The following C6orf132 variants were observed in gnomAD, a reference collection of about 807,000 sequenced individuals.
The protein encoded by C6orf132 is uncharacterized protein C6orf132.
In C6orf132, 43 loss-of-function variants were observed where a neutral mutation model predicts 65.3. That is an observed-to-expected ratio of 0.66 (90% CI 0.52 to 0.85). The LOEUF (loss-of-function observed/expected upper bound fraction) is 0.85. Ranked by LOEUF, C6orf132 falls within the 40% of genes least tolerant of loss-of-function variation. The probability of loss-of-function intolerance (pLI) is 0.00; values close to 1 mark genes in which losing one functional copy is unlikely to be tolerated. For synonymous variants in C6orf132, 631 were observed against 654.1 expected, an observed-to-expected ratio of 0.96 and a Z score of 0.54; for missense variants, 1,488 against 1,548.8, an observed-to-expected ratio of 0.96 and a Z score of 0.66.
At chr6:42,140,457 G>A (rs1270367223) in intron 1 of C6orf132, among the ~76,000 whole-genome samples, 4 of 152,208 alleles carry the variant, frequency 2.6e-5, no homozygotes, top group Admixed American at 1.3e-4. Flanking sequence ...AACTTGGATC[G>A]CCTTCCTCTG....
At chr6:42,116,208 A>G (rs1243503809) in intron 2 of C6orf132, among the ~76,000 whole-genome samples, 8 of 152,164 alleles carry the variant, frequency 5.3e-5, no homozygotes, top group South Asian at 4.2e-4. Context: ...GATTACAGGC[A>G]TGAGCCACTG....
chr6:42,120,081 C>T (rs9381146), intron 2 of C6orf132, among the ~76,000 whole-genome samples: 25,016 of 151,280 alleles, frequency 0.17, 2,215 homozygotes, highest in African/African-American at 0.2. Context: ...GCAACAAGAG[C>T]GAAACTCCAC....
At chr6:42,116,004 A>C (rs1297557710) in intron 2 of C6orf132, among the ~76,000 whole-genome samples, 3 of 134,356 alleles carry the variant, frequency 2.2e-5, no homozygotes, top group African/African-American at 8.6e-5. Context: ...ATCTCGGCTC[A>C]CTGCAACCTT....
intron 2 of C6orf132, among the ~76,000 whole-genome samples, chr6:42,118,322 G>A (rs1460498745): frequency 6.6e-6 from 1 of 152,182 alleles, no homozygotes; most frequent in Non-Finnish European, 1.5e-5. Context: ...CCCAGACCAG[G>A]CAGGCAGGGC....
At chr6:42,129,144 A>G (rs1319928360) in intron 1 of C6orf132, among the ~76,000 whole-genome samples, 3 of 152,250 alleles carry the variant, frequency 2.0e-5, no homozygotes, top group East Asian at 1.9e-4. Context: ...CTTATCTCAG[A>G]GAGGGAGGAA....
At chr6:42,103,916 G>T (rs766910459) in intron 4 of C6orf132, 38 bp from the exon 5 acceptor site, 1 of 1,316,394 alleles carries the variant, frequency 7.6e-7, no homozygotes, top group South Asian at 1.7e-5. Flanking sequence ...AATATCTGCA[G>T]CTGGTTAGCC....
At chr6:42,137,777 G>A (rs559386918) in intron 1 of C6orf132, among the ~76,000 whole-genome samples, 7 of 143,320 alleles carry the variant, frequency 4.9e-5, no homozygotes, top group African/African-American at 1.8e-4. Context: ...GGTGGCTCAC[G>A]CCTGTAAATC....
chr6:42,119,558 G>A (rs1562037542), intron 2 of C6orf132, among the ~76,000 whole-genome samples: 1 of 151,260 alleles, frequency 6.6e-6, no homozygotes, highest in Non-Finnish European at 1.5e-5. Flanking sequence ...TGTTGGCTAG[G>A]CTGCTCTCGA....
At chr6:42,137,259 A>G (rs565712322) in intron 1 of C6orf132, among the ~76,000 whole-genome samples, 2 of 152,288 alleles carry the variant, frequency 1.3e-5, no homozygotes, top group African/African-American at 4.8e-5. Flanking sequence ...GCTGGTCTGT[A>G]GGGGTCAAGG....
rs1010219626 is a variant in C6orf132, at chr6:42,103,385, C to A, written c.*376G>T. On this transcript the variant is annotated 3_prime_UTR_variant, in exon 5 of 5. Coordinates refer to ENST00000341865, the MANE Select transcript of C6orf132 (RefSeq NM_001164446.3). ...GGGTTCCAGTTCAGTCAGTGCCCCA[C>A]CCCTTGCTTTCAGAACCTGCTCAGT... 10 of 396,940 alleles carry A rather than the reference C, an allele frequency of 2.5e-5. No homozygotes were observed. Among genetic ancestry groups the A allele is most frequent in the Non-Finnish European group, 4.0e-5 (9 of 225,686 alleles). The allele number at this position is 396,940 out of a possible 1,614,324, so 24.6% of individuals were successfully genotyped here.
intron 2 of C6orf132, among the ~76,000 whole-genome samples, chr6:42,123,107 C>T (rs142353328): frequency 3.7e-4 from 56 of 152,162 alleles, no homozygotes; most frequent in Middle Eastern, 3.4e-3. Context: ...ACAGGCCGGG[C>T]GCGGTGGCTC....
At position 42,142,448 on chromosome 6, in the gene C6orf132, G is replaced by A; in HGVS notation, c.-4C>T. The A allele has an allele frequency of 6.5e-7, 1 of 1,550,166 alleles. No individual in the cohort carries two copies. Among genetic ancestry groups the A allele is most frequent in the South Asian group, 1.2e-5 (1 of 83,994 alleles). On this transcript the variant is annotated 5_prime_UTR_variant, in exon 1 of 5. Coordinates refer to ENST00000341865, the MANE Select transcript of C6orf132 (RefSeq NM_001164446.3). ...GCACCGTCTGCTTCTTTTTCATGCT[G>A]CCGCAGCCCGCGCGGGCGCCAGGGA...
In C6orf132 at chr6:42,107,463, G is replaced by T. The variant is rs1482054573; in HGVS notation, c.449C>A (p.Pro150His). Residue 150 changes from proline to histidine, a missense_variant, in exon 4 of 5, where the codon CCC becomes CAC. Transcript: ENST00000341865. ...TGGAGGTTCTGAAATGTCCTGAGGG[G>T]GCCCTGGGGCTGGGCCTGGGGGAGG... ...PPPPPGPAPGPPQDISEPPGG... is the reference protein window; with the variant it reads ...PPPPPGPAPGHPQDISEPPGG... The T allele has an allele frequency of 1.9e-6, 3 of 1,544,958 alleles. No homozygotes were observed. The highest frequency in any genetic ancestry group is 2.6e-6 in the Non-Finnish European group (3 of 1,144,160).
intron 1 of C6orf132, among the ~76,000 whole-genome samples, chr6:42,136,990 G>A (rs1433056797): frequency 6.6e-6 from 1 of 152,174 alleles, no homozygotes; most frequent in Non-Finnish European, 1.5e-5. Flanking sequence ...CCCAGAACTT[G>A]TGAGAAATGC....
At chr6:42,108,633 G>A (rs1375712774) in intron 3 of C6orf132, among the ~76,000 whole-genome samples, 1 of 152,214 alleles carries the variant, frequency 6.6e-6, no homozygotes, top group African/African-American at 2.4e-5. Flanking sequence ...ATTCTGGACT[G>A]CAGAATAGAA....
chr6:42,103,089 C>T lies in C6orf132; in HGVS notation c.*672G>A, dbSNP rs892705776. 1.3e-5 allele frequency: 5 copies of T among 398,614 alleles called. No individual in the cohort carries two copies. The highest frequency in any genetic ancestry group is 1.0e-4 in the African/African-American group (5 of 48,634). The allele number at this position is 398,614 out of a possible 1,614,324, so 24.7% of individuals were successfully genotyped here. A position where few individuals can be genotyped will look rare whatever the true frequency, so the allele number is the denominator to read the frequency against. On this transcript the variant is annotated 3_prime_UTR_variant, in exon 5 of 5. Coordinates refer to ENST00000341865, the MANE Select transcript of C6orf132 (RefSeq NM_001164446.3). ...GGCCAAGGAAAAATGAACCATCAAT[C>T]TCCCACCTCTGCCCTTGGCCAATGC...
intron 1 of C6orf132, among the ~76,000 whole-genome samples, chr6:42,141,600 G>T (rs1767033750): frequency 6.6e-6 from 1 of 152,216 alleles, no homozygotes; most frequent in African/African-American, 2.4e-5. Flanking sequence ...GTCAGGGAGA[G>T]GGTTCCTTGG....
chr6:42,119,116 G>A (rs931629340), intron 2 of C6orf132, among the ~76,000 whole-genome samples: 8 of 147,054 alleles, frequency 5.4e-5, no homozygotes, highest in Admixed American at 2.7e-4. Context: ...TGGGGCAGGC[G>A]CCTGTAATCC....
intron 1 of C6orf132, among the ~76,000 whole-genome samples, chr6:42,133,531 G>A (rs1323850852): frequency 6.6e-6 from 1 of 152,086 alleles, no homozygotes; most frequent in Non-Finnish European, 1.5e-5. Context: ...AGAGTCCTGG[G>A]GCAATTCCAG....
Sources: allele counts gnomAD v4.1 joint callset (sites outside exome capture counted in the v4.1 genomes callset), GRCh38; gene constraint gnomAD v4.1.1; transcripts MANE v1.5; gene names NCBI Gene and HGNC (gene_info 2026-07-23, HGNC 2026-07-21).